The following MTNAP1 variants were observed in gnomAD, a reference collection of about 807,000 sequenced individuals.
MTNAP1 encodes the protein mitochondrial nucleoid associated protein 1.
At chr17:73,248,416 G>A in the MTNAP1 span, 11 of 1,255,224 alleles carry the variant, frequency 8.8e-6, no homozygotes, top group African/African-American at 1.2e-4. Flanking sequence ...TTAAAATCAT[G>A]CTGCAGAAGG....
the MTNAP1 span, among the ~76,000 whole-genome samples, chr17:73,234,321 G>GTTT: frequency 7.5e-3 from 1,130 of 150,350 alleles, 8 homozygotes; most frequent in Non-Finnish European, 0.011. Flanking sequence ...TGGTATAAAT[G>GTTT]TTTTTTTTTT....
the MTNAP1 span, among the ~76,000 whole-genome samples, chr17:73,234,103 A>C: frequency 6.6e-6 from 1 of 152,166 alleles, no homozygotes; most frequent in Admixed American, 6.5e-5. Context: ...TTAAACGTTT[A>C]TATCTAAAGA....
At chr17:73,245,892 C>G in the MTNAP1 span, 2 of 215,388 alleles carry the variant, frequency 9.3e-6, no homozygotes, top group Non-Finnish European at 1.6e-5. Context: ...CCACCCCTAT[C>G]TATCCCTTTC....
the MTNAP1 span, chr17:73,248,642 A>G: frequency 3.3e-5 from 38 of 1,153,440 alleles, no homozygotes; most frequent in South Asian, 3.2e-4. Context: ...GCTACTGTCC[A>G]TGCTTGAGAG....
At chr17:73,248,210 A>T in the MTNAP1 span, 2 of 415,690 alleles carry the variant, frequency 4.8e-6, no homozygotes, top group Admixed American at 8.2e-5. Context: ...GTATGTGATC[A>T]CCAGATTAAA....
chr17:73,240,536 C>T, the MTNAP1 span, among the ~76,000 whole-genome samples: 1 of 152,202 alleles, frequency 6.6e-6, no homozygotes, highest in African/African-American at 2.4e-5. Flanking sequence ...TTTGTAATTT[C>T]ACCAGGCAAT....
chr17:73,234,560 G>C, the MTNAP1 span, among the ~76,000 whole-genome samples: 7 of 151,616 alleles, frequency 4.6e-5, no homozygotes, highest in Non-Finnish European at 8.8e-5. Context: ...GCGTGGTGGC[G>C]CATGCCTGTA....
At chr17:73,233,364 GA>G in the MTNAP1 span, 10 of 152,256 alleles carry the variant, frequency 6.6e-5, no homozygotes, top group African/African-American at 2.4e-4. Flanking sequence ...GTTATCGTGG[GA>G]ATGTACCGGG....
chr17:73,236,736 T>C, the MTNAP1 span: 6 of 1,614,150 alleles, frequency 3.7e-6, no homozygotes, highest in Admixed American at 1.0e-4. Context: ...CCAAATCTGA[T>C]AGTCAGTTCC....
At chr17:73,245,334 G>T in the MTNAP1 span, 1 of 1,388,008 alleles carries the variant, frequency 7.2e-7, no homozygotes, top group East Asian at 2.7e-5. Context: ...AAAATTATTG[G>T]AATCTAAAAT....
the MTNAP1 span, among the ~76,000 whole-genome samples, chr17:73,239,097 C>T: frequency 3.3e-5 from 5 of 152,116 alleles, no homozygotes; most frequent in African/African-American, 4.8e-5. Flanking sequence ...CCACCACGCC[C>T]GGCTAATTTT....
the MTNAP1 span, among the ~76,000 whole-genome samples, chr17:73,233,758 A>G: frequency 6.6e-6 from 1 of 152,092 alleles, no homozygotes; most frequent in African/African-American, 2.4e-5. Context: ...CAGTAATCCC[A>G]GCCACGCGGG....
At chr17:73,237,202 C>G in the MTNAP1 span, among the ~76,000 whole-genome samples, 2 of 152,134 alleles carry the variant, frequency 1.3e-5, no homozygotes, top group Non-Finnish European at 2.9e-5. Flanking sequence ...GAGGCTGAGG[C>G]CAAGGCAGGT....
At chr17:73,246,417 T>TC in the MTNAP1 span, among the ~76,000 whole-genome samples, 1 of 152,160 alleles carries the variant, frequency 6.6e-6, no homozygotes, top group African/African-American at 2.4e-5. Flanking sequence ...ACGCCTGTAG[T>TC]CCCAGCTACT....
chr17:73,243,077 A>ATTTT, the MTNAP1 span: 8 of 438,548 alleles, frequency 1.8e-5, no homozygotes, highest in East Asian at 5.5e-5. Context: ...GATTCTCTGA[A>ATTTT]TTTTTTTTTT....
chr17:73,234,976 G>C, the MTNAP1 span, among the ~76,000 whole-genome samples: 1 of 152,100 alleles, frequency 6.6e-6, no homozygotes, highest in Admixed American at 6.6e-5. Flanking sequence ...AGCACTTTAG[G>C]GGGCTGAGGT....
chr17:73,236,988 C>A, the MTNAP1 span: 3 of 1,561,334 alleles, frequency 1.9e-6, no homozygotes, highest in Admixed American at 5.9e-5. Flanking sequence ...GGGAAAGACT[C>A]TCACAAGGTA....
chr17:73,246,883 C>G, the MTNAP1 span, among the ~76,000 whole-genome samples: 24 of 152,208 alleles, frequency 1.6e-4, no homozygotes, highest in Non-Finnish European at 2.9e-5. Flanking sequence ...TGCCCATTCT[C>G]TGTGAATGCT....
the MTNAP1 span, among the ~76,000 whole-genome samples, chr17:73,240,392 C>T: frequency 6.6e-6 from 1 of 152,054 alleles, no homozygotes; most frequent in African/African-American, 2.4e-5. Flanking sequence ...ATGTTACCAC[C>T]AAATGAACAC....
Sources: allele counts gnomAD v4.1 joint callset (sites outside exome capture counted in the v4.1 genomes callset), GRCh38; gene constraint gnomAD v4.1.1; transcripts MANE v1.5; gene names NCBI Gene and HGNC (gene_info 2026-07-23, HGNC 2026-07-21).